GULP1: variants seen among roughly 807,000 people sequenced by gnomAD.
The protein encoded by GULP1 is GULP PTB domain containing engulfment adaptor 1, also known as PTB domain-containing engulfment adapter protein 1.
GULP1 carries 19 observed loss-of-function variants against 40.9 expected under a neutral mutation model. The ratio of observed to expected loss-of-function variants is 0.46; its 90% CI spans 0.32 to 0.68. GULP1 has a LOEUF of 0.68. Ranked by LOEUF, GULP1 falls within the 30% of genes least tolerant of loss-of-function variation. The pLI is 0.03. For synonymous variants in GULP1, 119 were observed against 117.6 expected, an observed-to-expected ratio of 1.01 and a Z score of -0.08; for missense variants, 312 against 362.2, an observed-to-expected ratio of 0.86 and a Z score of 1.12.
At chr2:188,461,318 C>CT (rs549518354) in intron 2 of GULP1, among the ~76,000 whole-genome samples, 1,742 of 122,856 alleles carry the variant, frequency 0.014, 23 homozygotes, top group African/African-American at 0.03. Context: ...TACTGGTAAG[C>CT]TTTTTTTTTT....
At chr2:188,552,811 T>C (rs1326504683) in intron 7 of GULP1, among the ~76,000 whole-genome samples, 1 of 151,182 alleles carries the variant, frequency 6.6e-6, no homozygotes, top group Non-Finnish European at 1.5e-5. Context: ...TAAATAGTTC[T>C]CTCCTTATAG....
intron 7 of GULP1, among the ~76,000 whole-genome samples, chr2:188,548,481 T>C (rs1692552639): frequency 6.6e-6 from 1 of 152,104 alleles, no homozygotes; most frequent in Non-Finnish European, 1.5e-5. Flanking sequence ...AATGGAGAGA[T>C]ACTATTTTCA....
chr2:188,306,979 G>A (rs971161057), intron 1 of GULP1, among the ~76,000 whole-genome samples: 1 of 152,150 alleles, frequency 6.6e-6, no homozygotes, highest in Non-Finnish European at 1.5e-5. Flanking sequence ...GTAGGATGTA[G>A]GCAGGAGAAT....
At chr2:188,515,853 GTTAAA>G (rs2065119472) in intron 4 of GULP1, among the ~76,000 whole-genome samples, 1 of 152,044 alleles carries the variant, frequency 6.6e-6, no homozygotes, top group African/African-American at 2.4e-5. Flanking sequence ...ATGAGCATAT[GTTAAA>G]TTAACAGGTT....
intron 4 of GULP1, among the ~76,000 whole-genome samples, chr2:188,498,267 CA>C (rs755780176): frequency 5.3e-5 from 8 of 151,834 alleles, no homozygotes; most frequent in Non-Finnish European, 1.0e-4. Context: ...AGAATTAACA[CA>C]ACACTACTTC....
chr2:188,371,925 G>C (rs2047651063), intron 1 of GULP1, among the ~76,000 whole-genome samples: 1 of 152,076 alleles, frequency 6.6e-6, no homozygotes, highest in Admixed American at 6.5e-5. Flanking sequence ...ATCATAGTCT[G>C]ATTATTATAT....
intron 4 of GULP1, among the ~76,000 whole-genome samples, chr2:188,499,164 T>TAC (rs2063194731): frequency 7.1e-6 from 1 of 141,490 alleles, no homozygotes; most frequent in African/African-American, 2.6e-5. Flanking sequence ...TATATATATA[T>TAC]ATATATGAAC....
chr2:188,533,945 T>C (rs954601692), intron 6 of GULP1, among the ~76,000 whole-genome samples: 1 of 152,082 alleles, frequency 6.6e-6, no homozygotes, highest in Non-Finnish European at 1.5e-5. Flanking sequence ...ATCACCACCA[T>C]GCAGAATAAC....
At chr2:188,486,288 A>T (rs2061855433) in intron 4 of GULP1, among the ~76,000 whole-genome samples, 1 of 152,052 alleles carries the variant, frequency 6.6e-6, no homozygotes, top group South Asian at 2.1e-4. Context: ...TTTGCAGTGG[A>T]AAATAAAGAT....
chr2:188,415,642 G>A (rs2152739172), intron 2 of GULP1, among the ~76,000 whole-genome samples: 2 of 152,190 alleles, frequency 1.3e-5, no homozygotes, highest in South Asian at 4.1e-4. Context: ...TAGAAAAGAA[G>A]ACATGGATGA....
chr2:188,505,535 A>G (rs1050475701), intron 4 of GULP1, among the ~76,000 whole-genome samples: 14 of 151,858 alleles, frequency 9.2e-5, no homozygotes, highest in African/African-American at 3.1e-4. Flanking sequence ...AATGTATAGT[A>G]TTCTATATAA....
intron 1 of GULP1, among the ~76,000 whole-genome samples, chr2:188,358,567 C>T (rs981589321): frequency 2.0e-5 from 3 of 152,022 alleles, no homozygotes; most frequent in Non-Finnish European, 4.4e-5. Flanking sequence ...GATCATTACA[C>T]ATAGTATACA....
intron 9 of GULP1, among the ~76,000 whole-genome samples, chr2:188,579,734 A>G (rs1481333840): frequency 6.6e-6 from 1 of 152,176 alleles, no homozygotes; most frequent in East Asian, 1.9e-4. Flanking sequence ...TAAATACTTG[A>G]TTATTTTTAT....
intron 2 of GULP1, among the ~76,000 whole-genome samples, chr2:188,459,337 C>T (rs2059520308): frequency 6.6e-6 from 1 of 152,142 alleles, no homozygotes; most frequent in African/African-American, 2.4e-5. Context: ...TTCCTTTTCT[C>T]CACATTCTCG....
At chr2:188,479,086 G>C (rs758705635) in intron 3 of GULP1, among the ~76,000 whole-genome samples, 1 of 152,108 alleles carries the variant, frequency 6.6e-6, no homozygotes, top group Non-Finnish European at 1.5e-5. Flanking sequence ...TAATGTCACT[G>C]ATTTAATATA....
At chr2:188,387,505 G>T (rs2049939566) in intron 2 of GULP1, among the ~76,000 whole-genome samples, 1 of 152,122 alleles carries the variant, frequency 6.6e-6, no homozygotes, top group African/African-American at 2.4e-5. Flanking sequence ...GTTTAAGTAG[G>T]CTGTATTAAG....
chr2:188,540,412 A>G (rs1308938102), intron 6 of GULP1, among the ~76,000 whole-genome samples: 1 of 140,840 alleles, frequency 7.1e-6, no homozygotes, highest in African/African-American at 2.6e-5. Flanking sequence ...TATACCTTCT[A>G]TTTTATAAGT....
At position 188,496,002 on chromosome 2, in the gene GULP1, A is replaced by G. The variant is rs569493639; in HGVS notation, c.90+12510A>G. 4.6e-5 allele frequency among the ~76,000 whole-genome samples: 7 copies of G among 152,080 alleles called. No homozygotes were observed. The East Asian group carries it at 1.4e-3, about 30-fold the overall frequency. On this transcript the variant is annotated intron_variant, in intron 4 of 11. Coordinates refer to ENST00000409830, the MANE Select transcript of GULP1 (RefSeq NM_016315.4). The stretch of plus-strand genomic sequence containing the variant: ...TTATGAAATTGTAGAACCAAATTGA[A>G]TAGATTTGCACAATCCCCCTCTCTT...
intron 4 of GULP1, among the ~76,000 whole-genome samples, chr2:188,520,842 C>T (rs976798268): frequency 3.9e-5 from 6 of 152,148 alleles, no homozygotes; most frequent in Non-Finnish European, 8.8e-5. Context: ...TGTATTTTTA[C>T]ATTTTAACCA....
Sources: allele counts gnomAD v4.1 joint callset (sites outside exome capture counted in the v4.1 genomes callset), GRCh38; gene constraint gnomAD v4.1.1; transcripts MANE v1.5; gene names NCBI Gene and HGNC (gene_info 2026-07-23, HGNC 2026-07-21).